Variants in CD96 observed in about 807,000 individuals in gnomAD.
CD96 encodes the protein CD96 molecule.
Under a neutral mutation model 71.3 loss-of-function variants are expected in CD96, and 70 were observed. That is an observed-to-expected ratio of 0.98 (90% confidence interval 0.81 to 1.20). The LOEUF (loss-of-function observed/expected upper bound fraction) is 1.20. CD96 is among the 50% of genes most tolerant of loss of function. The pLI is 0.00. For missense variants in CD96, 742 were observed against 677.5 expected (o/e 1.10, Z -1.06); for synonymous variants, 248 against 233.0 (o/e 1.06, Z -0.59).
At chr3:111,609,876 C>A (rs550130580) in intron 8 of CD96, among the ~76,000 whole-genome samples, 1 of 152,250 alleles carries the variant, frequency 6.6e-6, no homozygotes, top group Admixed American at 6.5e-5. Flanking sequence ...GGACCTTTGG[C>A]AGTGCCTGGA....
intron 13 of CD96, 66 bp from the exon 14 acceptor site, chr3:111,649,632 C>CTGTG (rs773350128): frequency 6.6e-6 from 6 of 906,936 alleles, no homozygotes; most frequent in Non-Finnish European, 1.1e-5. Context: ...CAACACATGT[C>CTGTG]TGTGTGTGTG....
intron 8 of CD96, among the ~76,000 whole-genome samples, chr3:111,610,150 A>G (rs949548039): frequency 6.6e-6 from 1 of 152,252 alleles, no homozygotes; most frequent in Non-Finnish European, 1.5e-5. Context: ...TATGTTTGGA[A>G]TAATTTTCTG....
At chr3:111,569,296 A>T (rs1480393826) in intron 3 of CD96, among the ~76,000 whole-genome samples, 1 of 152,242 alleles carries the variant, frequency 6.6e-6, no homozygotes, top group Admixed American at 6.5e-5. Context: ...TTTTAAAATA[A>T]CTTTCCCAAA....
intron 12 of CD96, among the ~76,000 whole-genome samples, chr3:111,642,311 A>C (rs1939628968): frequency 1.3e-5 from 2 of 152,244 alleles, no homozygotes; most frequent in South Asian, 4.1e-4. Flanking sequence ...GAAATGGGAG[A>C]TATTACAACT....
chr3:111,552,164 G>C (rs149580568), intron 2 of CD96, among the ~76,000 whole-genome samples: 85 of 151,842 alleles, frequency 5.6e-4, no homozygotes, highest in Non-Finnish European at 8.7e-4. Context: ...TTGTAAATTT[G>C]TTTAAGTTCC....
chr3:111,614,584 G>C (rs1209990883), intron 8 of CD96, among the ~76,000 whole-genome samples: 3 of 152,038 alleles, frequency 2.0e-5, no homozygotes, highest in African/African-American at 7.2e-5. Context: ...CTCCTCTTGG[G>C]GGCTTCTTTG....
intron 5 of CD96, chr3:111,593,511 T>C (rs760677985): frequency 6.0e-6 from 9 of 1,506,758 alleles, no homozygotes; most frequent in African/African-American, 2.8e-5. Flanking sequence ...AAGTCTAGAG[T>C]CAATGTTTTC....
intron 8 of CD96, chr3:111,606,999 G>A: frequency 3.2e-6 from 2 of 621,144 alleles, no homozygotes; most frequent in South Asian, 1.8e-5. Context: ...ATGGTTTTTA[G>A]TATGTTCACA....
downstream of CD96, among the ~76,000 whole-genome samples, chr3:111,652,844 A>C (rs765335795): frequency 6.6e-6 from 1 of 151,944 alleles, no homozygotes; most frequent in African/African-American, 2.4e-5. Context: ...AAATTCATAG[A>C]GTCTGACTCA....
At chr3:111,628,072 AAAAAAGAAAAAG>A (rs368128468) in intron 10 of CD96, among the ~76,000 whole-genome samples, 5 of 152,334 alleles carry the variant, frequency 3.3e-5, no homozygotes, top group Non-Finnish European at 7.3e-5. Flanking sequence ...GAAAACTTTA[AAAAAAGAAAAAG>A]AAAAAGAAAA....
intron 7 of CD96, 109 bp from the exon 8 acceptor site, chr3:111,606,591 T>C: frequency 1.4e-6 from 1 of 713,598 alleles, no homozygotes; most frequent in South Asian, 1.5e-5. Context: ...CAATATTGAT[T>C]TGTTACATGA....
chr3:111,645,601 A>G (rs1275361406), intron 12 of CD96, among the ~76,000 whole-genome samples: 1 of 152,140 alleles, frequency 6.6e-6, no homozygotes, highest in African/African-American at 2.4e-5. Context: ...CCATATTACC[A>G]TGGTAGAGCT....
At chr3:111,572,143 A>G (rs2107562135) in intron 3 of CD96, among the ~76,000 whole-genome samples, 2 of 152,328 alleles carry the variant, frequency 1.3e-5, no homozygotes, top group Middle Eastern at 6.8e-3. Context: ...ACGTACAACA[A>G]TAGCACATGC....
intron 3 of CD96, among the ~76,000 whole-genome samples, chr3:111,571,583 G>A (rs1370245531): frequency 6.6e-6 from 1 of 152,052 alleles, no homozygotes; most frequent in Non-Finnish European, 1.5e-5. Flanking sequence ...GTGAGAGGGT[G>A]AATCTTAAAC....
intron 10 of CD96, among the ~76,000 whole-genome samples, chr3:111,632,547 G>A (rs1227460382): frequency 6.6e-6 from 1 of 152,142 alleles, no homozygotes; most frequent in Admixed American, 6.5e-5. Flanking sequence ...CAACATTGTG[G>A]AAGACATTGT....
Position 111,591,720 on chromosome 3 carries a change from C to T in CD96, c.807+6342C>T, listed in dbSNP as rs1936998140. 3.9e-5 allele frequency among the ~76,000 whole-genome samples: 6 copies of T among 152,294 alleles called. No individual in the cohort carries two copies. In the South Asian group the frequency reaches 1.2e-3, roughly 32 times the overall value. Reference sequence around the variant, plus strand: ...AGAAGGTTCTAAAAGGGCATCATACCTCTGTGGGGAGACCACATGACAAAT... The same window carrying T: ...AGAAGGTTCTAAAAGGGCATCATACTTCTGTGGGGAGACCACATGACAAAT... On this transcript the variant is annotated intron_variant, in intron 5 of 13. Transcript: ENST00000352690.
chr3:111,601,672 G>T (rs1249095836), intron 7 of CD96, among the ~76,000 whole-genome samples: 2 of 152,134 alleles, frequency 1.3e-5, no homozygotes, highest in Non-Finnish European at 1.5e-5. Flanking sequence ...AAATAGATTT[G>T]CAAATCATTA....
chr3:111,656,040 C>A (rs1433054131), downstream of CD96, among the ~76,000 whole-genome samples: 7 of 151,814 alleles, frequency 4.6e-5, no homozygotes, highest in South Asian at 2.1e-4. Flanking sequence ...AGAGAGAAAG[C>A]AAAGTCAAAG....
chr3:111,618,181 G>C (rs1369547921), intron 8 of CD96, among the ~76,000 whole-genome samples: 1 of 152,190 alleles, frequency 6.6e-6, no homozygotes, highest in Non-Finnish European at 1.5e-5. Flanking sequence ...GCAGGTGTGG[G>C]ATCCAGGCTG....
Sources: allele counts gnomAD v4.1 joint callset (sites outside exome capture counted in the v4.1 genomes callset), GRCh38; gene constraint gnomAD v4.1.1; transcripts MANE v1.5; gene names NCBI Gene and HGNC (gene_info 2026-07-23, HGNC 2026-07-21).